The following CPNE4 variants were observed in gnomAD, a reference collection of about 807,000 sequenced individuals.
CPNE4 encodes the protein copine-4.
A neutral mutation model predicts 67.9 loss-of-function variants in CPNE4; 25 were observed. The ratio of observed to expected loss-of-function variants is 0.37; its 90% CI spans 0.27 to 0.51. The LOEUF (loss-of-function observed/expected upper bound fraction) is 0.51. CPNE4 is among the 20% of genes least tolerant of loss of function. CPNE4 has a pLI of 0.93. For missense variants in CPNE4, 464 were observed against 690.8 expected (o/e 0.67, Z 3.68); for synonymous variants, 242 against 244.9 (o/e 0.99, Z 0.11).
At chr3:131,584,451 C>T (rs1162040958) in intron 8 of CPNE4, among the ~76,000 whole-genome samples, 1 of 152,096 alleles carries the variant, frequency 6.6e-6, no homozygotes, top group Non-Finnish European at 1.5e-5. Context: ...TCCCTATATC[C>T]AAGCCTTCAA....
At chr3:132,009,450 TAAG>T (rs991981946) in intron 1 of CPNE4, among the ~76,000 whole-genome samples, 3 of 152,194 alleles carry the variant, frequency 2.0e-5, no homozygotes, top group Admixed American at 1.3e-4. Flanking sequence ...TTTTACTGCC[TAAG>T]AAGAGGCACT....
intron 2 of CPNE4, among the ~76,000 whole-genome samples, chr3:131,785,029 G>A (rs2083521229): frequency 6.6e-6 from 1 of 152,030 alleles, no homozygotes; most frequent in African/African-American, 2.4e-5. Flanking sequence ...TAACTTCTTG[G>A]AGCCTCTGTG....
intron 2 of CPNE4, among the ~76,000 whole-genome samples, chr3:131,880,942 C>T (rs1443752058): frequency 6.6e-6 from 1 of 152,162 alleles, no homozygotes; most frequent in African/African-American, 2.4e-5. Flanking sequence ...CTAGGTTGCA[C>T]TCTAAGAAAA....
At chr3:131,632,683 GAT>G (rs2079261458) in intron 7 of CPNE4, among the ~76,000 whole-genome samples, 1 of 152,082 alleles carries the variant, frequency 6.6e-6, no homozygotes, top group Non-Finnish European at 1.5e-5. Flanking sequence ...TTATCTGATA[GAT>G]ACTTCTCATC....
At chr3:131,947,698 C>T (rs926993307) in intron 1 of CPNE4, among the ~76,000 whole-genome samples, 4 of 152,188 alleles carry the variant, frequency 2.6e-5, no homozygotes, top group East Asian at 1.9e-4. Context: ...AATAAACATA[C>T]GTGTGCATGT....
chr3:131,748,449 G>C (rs2082546514), intron 2 of CPNE4, among the ~76,000 whole-genome samples: 1 of 151,754 alleles, frequency 6.6e-6, no homozygotes, highest in Non-Finnish European at 1.5e-5. Context: ...GATTATAAAA[G>C]CTTTATAAAA....
chr3:131,598,162 C>A (rs1225827536), intron 7 of CPNE4, among the ~76,000 whole-genome samples: 3 of 152,172 alleles, frequency 2.0e-5, no homozygotes, highest in Admixed American at 1.3e-4. Context: ...GGGAGCTGGA[C>A]AGCAGGAGAC....
chr3:131,951,043 A>T (rs2071706863), intron 1 of CPNE4, among the ~76,000 whole-genome samples: 1 of 152,158 alleles, frequency 6.6e-6, no homozygotes, highest in African/African-American at 2.4e-5. Flanking sequence ...TTCTACATAT[A>T]AATTTAGGAG....
intron 9 of CPNE4, among the ~76,000 whole-genome samples, chr3:131,577,179 C>T (rs1318313041): frequency 6.6e-6 from 1 of 152,108 alleles, no homozygotes; most frequent in Non-Finnish European, 1.5e-5. Context: ...ACCAATTACT[C>T]TTTTCCTTCA....
chr3:131,574,924 G>A (rs1365238232), intron 10 of CPNE4, 147 bp downstream of exon 10: 8 of 627,194 alleles, frequency 1.3e-5, no homozygotes, highest in Admixed American at 8.1e-5. Context: ...TCAAAAACAC[G>A]ATACCATACG....
chr3:131,963,085 G>T (rs1055509778), intron 1 of CPNE4, among the ~76,000 whole-genome samples: 5 of 152,026 alleles, frequency 3.3e-5, no homozygotes, highest in Non-Finnish European at 7.4e-5. Flanking sequence ...TAGACAGTGG[G>T]TGCAGCCCAT....
chr3:131,867,620 C>T (rs1385699782), intron 2 of CPNE4, among the ~76,000 whole-genome samples: 1 of 152,158 alleles, frequency 6.6e-6, no homozygotes, highest in Non-Finnish European at 1.5e-5. Context: ...CCTACCACAA[C>T]TGCCTTTGAT....
chr3:131,839,948 C>T (rs537351533), intron 2 of CPNE4, among the ~76,000 whole-genome samples: 1 of 152,256 alleles, frequency 6.6e-6, no homozygotes, highest in Non-Finnish European at 1.5e-5. Flanking sequence ...GTATGAGGCC[C>T]TATACGAGGC....
intron 1 of CPNE4, among the ~76,000 whole-genome samples, chr3:132,025,274 T>A (rs2074093958): frequency 6.6e-6 from 1 of 152,246 alleles, no homozygotes; most frequent in Non-Finnish European, 1.5e-5. Flanking sequence ...AAATTTCTGC[T>A]GCTGGTCTTG....
Position 131,958,937 on chromosome 3 carries a change from C to T in CPNE4, c.-1-53493G>A, listed in dbSNP as rs527419165. On this transcript the variant is annotated intron_variant, in intron 1 of 15. Transcript: ENST00000429747. Reference sequence around the variant, plus strand: ...CCTCCCAAAGTGCTACAATCACAAACGTGAGCCACGGCTCCCGGCCTGATA... The same window carrying T: ...CCTCCCAAAGTGCTACAATCACAAATGTGAGCCACGGCTCCCGGCCTGATA... 6.1e-4 allele frequency among the ~76,000 whole-genome samples: 87 copies of T among 143,798 alleles called. 17 individuals carry two copies. The highest frequency in any genetic ancestry group is 9.9e-4 in the Non-Finnish European group (66 of 66,470). The allele number at this position is 143,798 out of a possible 152,430, so 94.3% of individuals were successfully genotyped here. A position where few individuals can be genotyped will look rare whatever the true frequency, so the allele number is the denominator to read the frequency against.
chr3:131,697,986 A>G (rs2081194391), intron 4 of CPNE4, among the ~76,000 whole-genome samples: 1 of 152,054 alleles, frequency 6.6e-6, no homozygotes, highest in Non-Finnish European at 1.5e-5. Flanking sequence ...TAATCCCAGC[A>G]CTTTGGGAGG....
intron 1 of CPNE4, among the ~76,000 whole-genome samples, chr3:131,918,466 C>G (rs907654157): frequency 6.6e-6 from 1 of 152,080 alleles, no homozygotes; most frequent in Non-Finnish European, 1.5e-5. Flanking sequence ...AATGAACAGG[C>G]AAACAAATAT....
At chr3:131,796,615 C>G (rs2083925587) in intron 2 of CPNE4, among the ~76,000 whole-genome samples, 1 of 152,196 alleles carries the variant, frequency 6.6e-6, no homozygotes, top group South Asian at 2.1e-4. Flanking sequence ...CCCCTCCTCC[C>G]CAGGGTCCCC....
chr3:131,731,414 G>A (rs1404102836), intron 2 of CPNE4, among the ~76,000 whole-genome samples: 1 of 152,144 alleles, frequency 6.6e-6, no homozygotes, highest in Non-Finnish European at 1.5e-5. Context: ...GGCCTCCTCA[G>A]TACCTTCAAG....
Sources: allele counts gnomAD v4.1 joint callset (sites outside exome capture counted in the v4.1 genomes callset), GRCh38; gene constraint gnomAD v4.1.1; transcripts MANE v1.5; gene names NCBI Gene and HGNC (gene_info 2026-07-23, HGNC 2026-07-21).